Variants in MARCO observed in about 807,000 individuals in gnomAD.
MARCO encodes macrophage receptor MARCO.
MARCO carries 72 observed loss-of-function variants against 70.0 expected under a neutral mutation model. The ratio of observed to expected loss-of-function variants is 1.03; its 90% CI spans 0.85 to 1.25. The LOEUF is 1.25. Among genes scored for constraint, MARCO ranks in the 50% most tolerant of loss-of-function variants. MARCO has a pLI of 0.00. For synonymous variants in MARCO, 273 were observed against 243.1 expected, an observed-to-expected ratio of 1.12 and a Z score of -1.14; for missense variants, 696 against 659.3, an observed-to-expected ratio of 1.06 and a Z score of -0.61.
At chr2:118,982,065 G>A in intron 10 of MARCO, 91 bp from the exon 11 acceptor site, 2 of 827,226 alleles carry the variant, frequency 2.4e-6, no homozygotes, top group Non-Finnish European at 3.9e-6. Context: ...AGAGGTACAT[G>A]TCTCACTGCT....
At chr2:118,947,919 A>C (rs958319196) in intron 1 of MARCO, among the ~76,000 whole-genome samples, 2 of 152,222 alleles carry the variant, frequency 1.3e-5, no homozygotes, top group Non-Finnish European at 2.9e-5. Context: ...CTATAGATAA[A>C]TGTAGAGAGA....
intron 4 of MARCO, among the ~76,000 whole-genome samples, 172 bp from the exon 5 acceptor site, chr2:118,974,161 G>A (rs1169869087): frequency 6.6e-6 from 1 of 152,204 alleles, no homozygotes; most frequent in Admixed American, 6.5e-5. Context: ...TGCTTTCTAG[G>A]CCATGGGTTT....
chr2:118,988,562 C>T (rs1048506264), intron 12 of MARCO, among the ~76,000 whole-genome samples: 5 of 152,002 alleles, frequency 3.3e-5, no homozygotes, highest in East Asian at 3.9e-4. Context: ...ACCTTAAGAG[C>T]GTGTCCCTAG....
intron 1 of MARCO, chr2:118,944,663 T>A (rs529401775): frequency 1.1e-4 from 16 of 152,100 alleles, no homozygotes; most frequent in South Asian, 2.1e-4. Flanking sequence ...CTAGTTTTTT[T>A]TTATTATTAT....
rs770548807 is a variant in MARCO, at chr2:118,942,382, C to A, written c.82C>A (p.Pro28Thr). 4 of 1,612,660 alleles carry A rather than the reference C, an allele frequency of 2.5e-6. No individual in the cohort carries two copies. The highest frequency in any genetic ancestry group is 3.4e-6 in the Non-Finnish European group (4 of 1,178,796). The change falls in exon 1 of 17, where the codon CCT becomes ACT. Residue 28 changes from proline (P) to threonine (T), a missense_variant. Coordinates refer to ENST00000327097, the MANE Select transcript of MARCO (RefSeq NM_006770.4). Reference protein sequence around the residue: ...QAAFHQIAMEPFEINVPKPKR... With the variant: ...QAAFHQIAMETFEINVPKPKR... ...TGCTTTTCACCAAATTGCAATGGAG[C>A]CTTTCGAAATCAATGGTAAAGTACG...
At chr2:118,975,091 A>G (rs551469445) in intron 6 of MARCO, among the ~76,000 whole-genome samples, 1 of 152,148 alleles carries the variant, frequency 6.6e-6, no homozygotes. Flanking sequence ...GGAAAGTATT[A>G]GTTTCCATTT....
chr2:118,992,510 T>C, intron 15 of MARCO, 34 bp downstream of exon 15: 1 of 1,532,102 alleles, frequency 6.5e-7, no homozygotes, highest in East Asian at 2.2e-5. Context: ...TAATGTGTGC[T>C]TTAAAGTCAA....
chr2:118,979,119 AC>A (rs1216290630), intron 8 of MARCO, among the ~76,000 whole-genome samples: 1 of 152,336 alleles, frequency 6.6e-6, no homozygotes, highest in African/African-American at 2.4e-5. Flanking sequence ...TTACAAAAAA[AC>A]TGGGAAGCCT....
At chr2:118,962,398 C>A (rs952888163) in intron 1 of MARCO, among the ~76,000 whole-genome samples, 4 of 152,064 alleles carry the variant, frequency 2.6e-5, no homozygotes, top group Admixed American at 2.0e-4. Flanking sequence ...TTTCCTTGAG[C>A]AGCAGTTTGT....
In MARCO at chr2:118,991,703, A is replaced by G. The variant is rs1032215607; in HGVS notation, c.1109-74A>G. ...GCAGTTAAGGATAACTCATTTATTA[A>G]ACAGTAATGCCCTTGGGTCTCTCTT... On this transcript the variant is annotated intron_variant, in intron 13 of 16. Transcript: ENST00000327097. 8 of 811,318 alleles carry G rather than the reference A, an allele frequency of 9.9e-6. No individual in the cohort carries two copies. The African/African-American group carries it at 1.2e-4, about 13-fold the overall frequency. 50.3% of individuals were successfully genotyped at this position (811,318 alleles called of 1,614,324 possible). A position where few individuals can be genotyped will look rare whatever the true frequency, so the allele number is the denominator to read the frequency against.
At chr2:118,986,616 A>G (rs568969625) in intron 12 of MARCO, among the ~76,000 whole-genome samples, 703 of 25,108 alleles carry the variant, frequency 0.028, 28 homozygotes, top group South Asian at 0.08. Flanking sequence ...AAAGAAAGAA[A>G]GAAAGAAAGA....
At position 118,982,345 on chromosome 2, in the gene MARCO, C is replaced by T. The variant is rs373355265; in HGVS notation, c.1001-3C>T. ...TATGCTCTCTGTGGTGTCTGTTGTC[C>T]AGGACTTCCAGGGAGCCCCGGGAGT... On this transcript the variant is annotated splice_polypyrimidine_tract_variant and splice_region_variant and intron_variant, in intron 11 of 16. Transcript: ENST00000327097. 6.2e-7 allele frequency: 1 copy of T among 1,613,892 alleles called. No homozygotes were observed. The highest frequency in any genetic ancestry group is 1.1e-5 in the South Asian group (1 of 91,064).
At chr2:118,968,526 G>C (rs1386567468) in intron 1 of MARCO, among the ~76,000 whole-genome samples, 1 of 152,194 alleles carries the variant, frequency 6.6e-6, no homozygotes, top group Non-Finnish European at 1.5e-5. Context: ...ATGGGAGGAA[G>C]ACCACACCCC....
rs572733186 is a variant in MARCO at position 118,991,992 on chromosome 2, G to A, written c.1207+117G>A. 2.6e-5 allele frequency: 20 copies of A among 769,542 alleles called. No homozygotes were observed. In the South Asian group the frequency reaches 3.3e-4, roughly 13 times the overall value. 47.7% of individuals were successfully genotyped at this position (769,542 alleles called of 1,614,324 possible). ...TTCTGGGGATTTTCAGAACCCAGGA[G>A]GGTAGAGGTTTATTTCCTTGATTGA... On this transcript the variant is annotated intron_variant, in intron 14 of 16. Coordinates refer to ENST00000327097, the MANE Select transcript of MARCO (RefSeq NM_006770.4).
chr2:118,986,931 C>T (rs1680529604), intron 12 of MARCO, among the ~76,000 whole-genome samples: 1 of 152,102 alleles, frequency 6.6e-6, no homozygotes, highest in African/African-American at 2.4e-5. Flanking sequence ...CTTGACGTTG[C>T]TGAGCCTGTT....
Position 118,990,569 on chromosome 2 carries a change from C to CCGGG in MARCO, c.1064-20_1064-19insCGGG. 1 of 1,415,984 alleles carries CCGGG rather than the reference C, an allele frequency of 7.1e-7. No homozygotes were observed. Among genetic ancestry groups the CCGGG allele is most frequent in the Non-Finnish European group, 9.7e-7 (1 of 1,028,338 alleles). 87.7% of individuals were successfully genotyped at this position (1,415,984 alleles called of 1,614,324 possible). ...AGTTTTATTATCTCCTCCCCCCCCC[C>CCGGG]TTTTTTGTTTTGATCTTAGGACTTC... is the stretch of plus-strand genomic sequence containing the variant. On this transcript the variant is annotated intron_variant, in intron 12 of 16. Transcript: ENST00000327097.
chr2:118,970,449 A>G, intron 3 of MARCO, 111 bp downstream of exon 3: 2 of 803,586 alleles, frequency 2.5e-6, no homozygotes, highest in Admixed American at 2.3e-5. Flanking sequence ...GACCTCCAAG[A>G]GCCAGGGACT....
At chr2:118,986,007 T>C (rs1333582388) in intron 12 of MARCO, among the ~76,000 whole-genome samples, 2 of 152,224 alleles carry the variant, frequency 1.3e-5, no homozygotes, top group Non-Finnish European at 2.9e-5. Context: ...ATAATAGCAA[T>C]TGAGCCCTAT....
intron 1 of MARCO, among the ~76,000 whole-genome samples, chr2:118,965,397 A>C (rs1680026099): frequency 6.6e-6 from 1 of 151,762 alleles, no homozygotes; most frequent in African/African-American, 2.4e-5. Context: ...TATAGTTTCC[A>C]TTTGGTTCTT....
Sources: allele counts gnomAD v4.1 joint callset (sites outside exome capture counted in the v4.1 genomes callset), GRCh38; gene constraint gnomAD v4.1.1; transcripts MANE v1.5; gene names NCBI Gene and HGNC (gene_info 2026-07-23, HGNC 2026-07-21).